The following GAB4 variants were observed in gnomAD, a reference collection of about 807,000 sequenced individuals.
GAB4 encodes GRB2 associated binding protein family member 4, also known as GRB2-associated-binding protein 4.
Under a neutral mutation model 51.3 loss-of-function variants are expected in GAB4, and 26 were observed. The observed-to-expected ratio is 0.51, with a 90% confidence interval of 0.37 to 0.70. The LOEUF (loss-of-function observed/expected upper bound fraction) is 0.70. Ranked by LOEUF, GAB4 falls within the 30% of genes least tolerant of loss-of-function variation. GAB4 has a pLI of 0.00. For missense variants in GAB4, 759 were observed against 734.6 expected (o/e 1.03, Z -0.38); for synonymous variants, 329 against 291.2 (o/e 1.13, Z -1.32).
intron 3 of GAB4, among the ~76,000 whole-genome samples, chr22:16,978,714 G>A (rs2060801804): frequency 6.6e-6 from 1 of 152,070 alleles, no homozygotes; most frequent in East Asian, 1.9e-4. Flanking sequence ...CCAAAACCTG[G>A]CAAAGACACA....
chr22:17,008,176 G>C lies in GAB4; in HGVS notation c.-62C>G. On this transcript the variant is annotated 5_prime_UTR_variant, in exon 1 of 10. Coordinates refer to ENST00000400588, the MANE Select transcript of GAB4 (RefSeq NM_001037814.1). ...GGCGAGAGGGCGTTGCTGGAGGTGGGGTGTGAGGGACGGCTTGCGATACCC... is the reference window on the plus strand; with the variant it reads ...GGCGAGAGGGCGTTGCTGGAGGTGGCGTGTGAGGGACGGCTTGCGATACCC... 1 of 1,231,142 alleles carries C rather than the reference G, an allele frequency of 8.1e-7. No individual in the cohort carries two copies. Among genetic ancestry groups the C allele is most frequent in the South Asian group, 1.3e-5 (1 of 76,382 alleles). 76.3% of individuals were successfully genotyped at this position (1,231,142 alleles called of 1,614,324 possible). A position where few individuals can be genotyped will look rare whatever the true frequency, so the allele number is the denominator to read the frequency against.
At chr22:16,990,075 G>A (rs1426463324) in intron 2 of GAB4, among the ~76,000 whole-genome samples, 3 of 152,124 alleles carry the variant, frequency 2.0e-5, no homozygotes, top group African/African-American at 7.2e-5. Context: ...CCAGAGCCCA[G>A]GCATCACTGT....
chr22:16,963,414 A>G (rs2060645032), intron 9 of GAB4, among the ~76,000 whole-genome samples: 1 of 152,094 alleles, frequency 6.6e-6, no homozygotes, highest in South Asian at 2.1e-4. Flanking sequence ...CTCACAGAAG[A>G]GTTTGGCCTG....
At chr22:16,985,626 C>T (rs1418086422) in intron 3 of GAB4, among the ~76,000 whole-genome samples, 1 of 152,248 alleles carries the variant, frequency 6.6e-6, no homozygotes, top group African/African-American at 2.4e-5. Flanking sequence ...TGGAATTTGG[C>T]AAACAGTGTC....
Position 16,962,483 on chromosome 22 carries a change from G to T in GAB4, c.*250C>A. The T allele has an allele frequency of 2.8e-6, 1 of 359,502 alleles. No individual in the cohort carries two copies. 22.3% of individuals were successfully genotyped at this position (359,502 alleles called of 1,614,324 possible). ...GTAAGTGTGAGAGTGGAAATCTGTT[G>T]GGAGCCCGGGTCTGAGGGGCAGGAA... is the stretch of plus-strand genomic sequence containing the variant. On this transcript the variant is annotated 3_prime_UTR_variant, in exon 10 of 10. Coordinates refer to ENST00000400588, the MANE Select transcript of GAB4 (RefSeq NM_001037814.1).
intron 1 of GAB4, among the ~76,000 whole-genome samples, chr22:16,998,661 G>A (rs2060970264): frequency 1.3e-5 from 2 of 152,112 alleles, no homozygotes; most frequent in Non-Finnish European, 2.9e-5. Context: ...TGACTGTGCT[G>A]GCCAGAACTT....
chr22:16,970,585 C>T (rs546198231), intron 3 of GAB4, among the ~76,000 whole-genome samples: 6 of 152,254 alleles, frequency 3.9e-5, no homozygotes, highest in African/African-American at 1.2e-4. Flanking sequence ...GCTACTGGTT[C>T]CCTGCTGTGA....
At chr22:16,982,382 A>G (rs1392000498) in intron 3 of GAB4, among the ~76,000 whole-genome samples, 1 of 152,192 alleles carries the variant, frequency 6.6e-6, no homozygotes, top group Admixed American at 6.5e-5. Context: ...ATATGTCAAC[A>G]ACAAACAGTC....
intron 1 of GAB4, 145 bp downstream of exon 1, chr22:17,007,796 G>T: frequency 1.4e-6 from 1 of 704,988 alleles, no homozygotes; most frequent in Non-Finnish European, 2.3e-6. Context: ...TCTCACTGGC[G>T]GGGAGTCGCC....
At chr22:16,993,692 AG>A (rs1211770328) in intron 1 of GAB4, among the ~76,000 whole-genome samples, 5 of 152,204 alleles carry the variant, frequency 3.3e-5, no homozygotes, top group African/African-American at 1.2e-4. Context: ...TGTAACTTCA[AG>A]GGGCCCTCAT....
intron 8 of GAB4, 49 bp downstream of exon 8, chr22:16,964,717 G>A: frequency 7.4e-7 from 1 of 1,344,570 alleles, no homozygotes; most frequent in South Asian, 1.2e-5. Flanking sequence ...ATGAGTGTGG[G>A]TCCCAGGGGA....
chr22:17,001,746 T>C (rs1186818750), intron 1 of GAB4, among the ~76,000 whole-genome samples: 1 of 152,168 alleles, frequency 6.6e-6, no homozygotes, highest in Non-Finnish European at 1.5e-5. Flanking sequence ...TTTCAGCTTT[T>C]CCCTGCCCCT....
chr22:16,974,934 A>G (rs757617602), intron 3 of GAB4, among the ~76,000 whole-genome samples: 86 of 152,274 alleles, frequency 5.6e-4, no homozygotes, highest in Middle Eastern at 6.8e-3. Context: ...CCCTTAGCCA[A>G]GGGAAGCCGA....
intron 3 of GAB4, among the ~76,000 whole-genome samples, chr22:16,978,126 C>T (rs111580550): frequency 1.1e-3 from 166 of 151,784 alleles, no homozygotes; most frequent in Non-Finnish European, 1.8e-3. Flanking sequence ...AAAGAACTAG[C>T]GAAGCAAGAG....
chr22:16,971,272 G>A lies in GAB4; in HGVS notation c.687-1079C>T, dbSNP rs117910192. On this transcript the variant is annotated intron_variant, in intron 3 of 9. Coordinates refer to ENST00000400588, the MANE Select transcript of GAB4 (RefSeq NM_001037814.1). The stretch of plus-strand genomic sequence containing the variant: ...AGTAGTAAAAAGAGAATCAATGAAT[G>A]AGGAGGGAGCTGTGGCAGTTTCCAG... Among the ~76,000 whole-genome samples the A allele has an allele frequency of 5.3e-3, 812 of 152,350 alleles. 20 individuals are homozygous for A. In the East Asian group the frequency reaches 0.07, roughly 13 times the overall value.
intron 3 of GAB4, among the ~76,000 whole-genome samples, chr22:16,983,123 G>A (rs189274855): frequency 3.7e-4 from 57 of 152,276 alleles, no homozygotes; most frequent in Admixed American, 7.2e-4. Flanking sequence ...ATGCTTCAAA[G>A]AAAATGCTAA....
Position 17,008,056 on chromosome 22 carries a change from G to T in GAB4, c.59C>A (p.Ala20Glu), listed in dbSNP as rs748898512. Reference sequence around the variant, plus strand: ...ACTTCCGGGCCACGAAGACAAAGGCGCAAATGCCGGGTCAGGTGGGCACAG... The same window carrying T: ...ACTTCCGGGCCACGAAGACAAAGGCTCAAATGCCGGGTCAGGTGGGCACAG... ...RELCPPDPAF[A>E]PLSSWPGSGP... Residue 20 changes from alanine (A) to glutamate (E), a missense_variant, in exon 1 of 10, where the codon GCG (alanine) becomes GAG (glutamate). Physicochemically the swap from Ala to Glu is moderately radical, Grantham distance 107. Around this residue, in one of 3 missense-constraint regions of GAB4, gnomAD observed 83 missense variants for 73.1 expected, o/e 1.14. Coordinates refer to ENST00000400588, the MANE Select transcript of GAB4 (RefSeq NM_001037814.1). 1 of 1,607,740 alleles carries T rather than the reference G, an allele frequency of 6.2e-7. No homozygotes were observed. The highest frequency in any genetic ancestry group is 1.7e-5 in the Admixed American group (1 of 59,202).
rs1166312322 is a variant in GAB4 at position 16,988,175 on chromosome 22, T to A, written c.479-8A>T. On this transcript the variant is annotated splice_polypyrimidine_tract_variant and splice_region_variant and intron_variant, in intron 2 of 9. Coordinates refer to ENST00000400588, the MANE Select transcript of GAB4 (RefSeq NM_001037814.1). ...AAATGTTTCCCAGGAAGCCTGTGAA[T>A]GAAACAGGAAGGAAGGGCATCCTTG... 1.9e-6 allele frequency: 3 copies of A among 1,597,210 alleles called. No individual in the cohort carries two copies. The highest frequency in any genetic ancestry group is 1.7e-5 in the Admixed American group (1 of 59,810).
chr22:16,969,644 A>G, intron 4 of GAB4: 1 of 640,928 alleles, frequency 1.6e-6, no homozygotes, highest in African/African-American at 1.8e-5. Flanking sequence ...CTACTGCAGG[A>G]AGGGTATTCC....
Sources: allele counts gnomAD v4.1 joint callset (sites outside exome capture counted in the v4.1 genomes callset), GRCh38; gene constraint gnomAD v4.1.1; regional missense constraint gnomAD v4.1.1; transcripts MANE v1.5; gene names NCBI Gene and HGNC (gene_info 2026-07-23, HGNC 2026-07-21).